The following ARMC6 variants were observed in gnomAD, a reference collection of about 807,000 sequenced individuals.
ARMC6 encodes armadillo repeat-containing protein 6.
A neutral mutation model predicts 49.2 loss-of-function variants in ARMC6; 43 were observed. That is an observed-to-expected ratio of 0.87 (90% CI 0.69 to 1.13). ARMC6 has a LOEUF of 1.13. Ranked by LOEUF, ARMC6 falls within the 50% of genes most tolerant of loss-of-function variation. The probability of loss-of-function intolerance (pLI) is 0.00; values close to 1 mark genes in which losing one functional copy is unlikely to be tolerated. For synonymous variants in ARMC6, 262 were observed against 289.6 expected, an observed-to-expected ratio of 0.90 and a Z score of 0.97; for missense variants, 627 against 682.0, an observed-to-expected ratio of 0.92 and a Z score of 0.90.
In ARMC6 at chr19:19,048,830, T is replaced by A. The variant is rs547596533; in HGVS notation, c.280-2792T>A. ...TATGTCAGAGAAATATATTTTAGGG[T>A]AAAATACTTTGATTTCTTTCCATAC... On this transcript the variant is annotated intron_variant, in intron 4 of 8. Transcript: ENST00000535612. 2.6e-5 allele frequency among the ~76,000 whole-genome samples: 4 copies of A among 152,298 alleles called. No individual in the cohort carries two copies. In the East Asian group the frequency reaches 7.7e-4, roughly 29 times the overall value.
intron 4 of ARMC6, among the ~76,000 whole-genome samples, chr19:19,046,243 C>G (rs1298572889): frequency 6.6e-6 from 1 of 152,104 alleles, no homozygotes; most frequent in Non-Finnish European, 1.5e-5. Flanking sequence ...GTCGCCCAGG[C>G]TGGAGTGCAG....
chr19:19,038,517 T>C (rs917422393), intron 2 of ARMC6, among the ~76,000 whole-genome samples: 1 of 152,204 alleles, frequency 6.6e-6, no homozygotes, highest in African/African-American at 2.4e-5. Flanking sequence ...GTGGGTCATC[T>C]AAGTGTTGAT....
rs1357965487 is a variant in ARMC6 at position 19,033,760 on chromosome 19, A to C, written c.-250A>C. On this transcript the variant is annotated 5_prime_UTR_variant, in exon 1 of 9. Transcript: ENST00000535612. ...CGCACGAGGTGGCCTCGTTGGCTTT[A>C]CCTTGGTTCGCGGTCGTCCTTGGTT... 4.0e-6 allele frequency: 1 copy of C among 250,950 alleles called. No homozygotes were observed. The highest frequency in any genetic ancestry group is 7.6e-6 in the Non-Finnish European group (1 of 131,534). 15.5% of individuals were successfully genotyped at this position (250,950 alleles called of 1,614,324 possible).
intron 4 of ARMC6, among the ~76,000 whole-genome samples, chr19:19,046,927 G>GTTTTTTTTT (rs386388691): frequency 4.1e-4 from 43 of 104,294 alleles, no homozygotes; most frequent in Admixed American, 8.8e-4. Flanking sequence ...ATGCTCACCT[G>GTTTTTTTTT]TTTTTTTTTT....
intron 4 of ARMC6, among the ~76,000 whole-genome samples, chr19:19,047,995 C>G (rs866168989): frequency 1.3e-5 from 2 of 151,828 alleles, no homozygotes; most frequent in African/African-American, 4.8e-5. Context: ...CGGATTGCAT[C>G]GAGCTGAGGA....
intron 4 of ARMC6, among the ~76,000 whole-genome samples, chr19:19,049,483 G>A (rs2145868213): frequency 6.6e-6 from 1 of 152,266 alleles, no homozygotes; most frequent in South Asian, 2.1e-4. Flanking sequence ...TTTCTTACAG[G>A]GTTTCTGCTG....
chr19:19,057,413 C>T lies in ARMC6; in HGVS notation c.1294-3C>T. On this transcript the variant is annotated splice_region_variant and splice_polypyrimidine_tract_variant and intron_variant, in intron 8 of 8. Coordinates refer to ENST00000535612, the MANE Select transcript of ARMC6 (RefSeq NM_001199196.2). ...GGCAGCTCACAGCTGCTCTCTCCTA[C>T]AGAAACAGGCTTGCATGCTGATCCG... 1 of 1,611,924 alleles carries T rather than the reference C, an allele frequency of 6.2e-7. No individual in the cohort carries two copies.
chr19:19,049,028 G>T (rs553841149), intron 4 of ARMC6, among the ~76,000 whole-genome samples: 90 of 152,028 alleles, frequency 5.9e-4, no homozygotes, highest in Non-Finnish European at 1.2e-3. Context: ...TTGGCCAAGA[G>T]GAGGGGTCCT....
At position 19,057,479 on chromosome 19, in the gene ARMC6, C is replaced by G. The variant is rs941834662; in HGVS notation, c.1357C>G (p.Leu453Val). The part of the protein sequence containing the change: ...AHGQAFSKPI[L>V]DLGAEALIMQ... The stretch of plus-strand genomic sequence containing the variant: ...CGGCCAGGCCTTCTCGAAGCCCATC[C>G]TGGACCTGGGGGCTGAGGCACTCAT... Residue 453 changes from leucine to valine, a missense_variant, in exon 9 of 9, where the codon CTG (leucine) becomes GTG (valine). Leu to Val is a conservative substitution (Grantham distance 32). Coordinates refer to ENST00000535612, the MANE Select transcript of ARMC6 (RefSeq NM_001199196.2). The G allele has an allele frequency of 2.5e-6, 4 of 1,614,148 alleles. No homozygotes were observed. In the African/African-American group the frequency reaches 5.3e-5, roughly 22 times the overall value.
chr19:19,036,118 A>G (rs1050873987), intron 2 of ARMC6, among the ~76,000 whole-genome samples: 9 of 152,114 alleles, frequency 5.9e-5, no homozygotes, highest in Admixed American at 5.9e-4. Context: ...CTGGAGTGCA[A>G]TGGCGCAATC....
At chr19:19,039,750 A>G (rs115069866) in intron 2 of ARMC6, among the ~76,000 whole-genome samples, 2 of 152,290 alleles carry the variant, frequency 1.3e-5, no homozygotes, top group African/African-American at 4.8e-5. Context: ...TGAGTAATAT[A>G]CCACCATGCG....
chr19:19,038,898 T>TACACACACAC lies in ARMC6; in HGVS notation c.30-3793_30-3784dup, dbSNP rs35676976. 5.9e-3 allele frequency among the ~76,000 whole-genome samples: 870 copies of TACACACACAC among 147,308 alleles called. 7 individuals are homozygous for TACACACACAC. The highest frequency in any genetic ancestry group is 0.018 in the Middle Eastern group (5 of 284). ...ATTTTATAAGGTGGGTTTGTGTGTA[T>TACACACACAC]ACACACACACACACACACACACACA... On this transcript the variant is annotated intron_variant, in intron 2 of 8. Coordinates refer to ENST00000535612, the MANE Select transcript of ARMC6 (RefSeq NM_001199196.2).
chr19:19,038,318 G>A (rs1409208174), intron 2 of ARMC6, among the ~76,000 whole-genome samples: 2 of 152,130 alleles, frequency 1.3e-5, no homozygotes, highest in African/African-American at 2.4e-5. Context: ...CCCCACCCTA[G>A]CCCCACCATA....
rs917814559 is a variant in ARMC6, at chr19:19,055,248, G to C, written c.1024-17G>C. ...CAGCGGCCTGGCTGGAGGTGAGCGG[G>C]CCTTTCCCTTGTGCAGGAGCTCGTG... On this transcript the variant is annotated splice_polypyrimidine_tract_variant and intron_variant, in intron 6 of 8. Transcript: ENST00000535612. This position sits in a 1 kb window ranked among gnomAD's most constrained non-coding sequence, Gnocchi z 5.7. 3 of 1,579,412 alleles carry C rather than the reference G, an allele frequency of 1.9e-6. No homozygotes were observed. Among genetic ancestry groups the C allele is most frequent in the Admixed American group, 1.8e-5 (1 of 55,396 alleles).
At chr19:19,037,210 G>A (rs770235684) in intron 2 of ARMC6, among the ~76,000 whole-genome samples, 10 of 151,924 alleles carry the variant, frequency 6.6e-5, no homozygotes, top group African/African-American at 9.7e-5. Context: ...GGGCATTGAA[G>A]TGGAGGGCAT....
chr19:19,052,699 C>T lies in ARMC6; in HGVS notation c.853+504C>T, dbSNP rs372780801. Among the ~76,000 whole-genome samples the T allele has an allele frequency of 1.1e-4, 16 of 152,290 alleles. No homozygotes were observed. The South Asian group carries it at 3.3e-3, about 32-fold the overall frequency. ...AGACCCTAAAGCTTCTGTCTTAACCCCTACCCCCATCCCATCCACTGAACC... is the reference window on the plus strand; with the variant it reads ...AGACCCTAAAGCTTCTGTCTTAACCTCTACCCCCATCCCATCCACTGAACC... On this transcript the variant is annotated intron_variant, in intron 5 of 8. Coordinates refer to ENST00000535612, the MANE Select transcript of ARMC6 (RefSeq NM_001199196.2).
chr19:19,049,880 C>T (rs376534715), intron 4 of ARMC6, among the ~76,000 whole-genome samples: 51 of 152,208 alleles, frequency 3.4e-4, no homozygotes, highest in Admixed American at 2.2e-3. Context: ...AAAAATTATC[C>T]GGGCGTGGTG....
At chr19:19,048,653 G>A (rs748922665) in intron 4 of ARMC6, among the ~76,000 whole-genome samples, 2 of 152,158 alleles carry the variant, frequency 1.3e-5, no homozygotes, top group Non-Finnish European at 2.9e-5. Context: ...AGGCTTCAGA[G>A]AAAATAGATT....
intron 2 of ARMC6, among the ~76,000 whole-genome samples, chr19:19,034,573 C>G (rs1274582503): frequency 6.6e-6 from 1 of 151,924 alleles, no homozygotes; most frequent in Non-Finnish European, 1.5e-5. Flanking sequence ...TTTAGAGTCC[C>G]CAGCATGTCA....
Sources: allele counts gnomAD v4.1 joint callset (sites outside exome capture counted in the v4.1 genomes callset), GRCh38; gene constraint gnomAD v4.1.1; non-coding constraint Gnocchi (gnomAD v3.1); transcripts MANE v1.5; gene names NCBI Gene and HGNC (gene_info 2026-07-23, HGNC 2026-07-21).